Variants in AMPH observed in about 807,000 individuals in gnomAD.
The protein encoded by AMPH is amphiphysin (Stiff-Mann syndrome with breast cancer 128kD autoantigen).
A neutral mutation model predicts 99.1 loss-of-function variants in AMPH; 49 were observed. The ratio of observed to expected loss-of-function variants is 0.49; its 90% CI spans 0.39 to 0.63. The LOEUF (loss-of-function observed/expected upper bound fraction) is 0.63. Ranked by LOEUF, AMPH falls within the 20% of genes least tolerant of loss-of-function variation. AMPH has a pLI of 0.00. For synonymous variants in AMPH, 314 were observed against 317.3 expected, an observed-to-expected ratio of 0.99 and a Z score of 0.11; for missense variants, 759 against 863.4, an observed-to-expected ratio of 0.88 and a Z score of 1.52.
intron 11 of AMPH, among the ~76,000 whole-genome samples, chr7:38,458,743 C>A (rs2129006905): frequency 6.6e-6 from 1 of 152,236 alleles, no homozygotes; most frequent in African/African-American, 2.4e-5. Flanking sequence ...GACAAAAGCA[C>A]AGGTAGCATC....
chr7:38,533,678 A>G (rs1302387103), intron 2 of AMPH, among the ~76,000 whole-genome samples: 1 of 152,208 alleles, frequency 6.6e-6, no homozygotes, highest in Admixed American at 6.5e-5. Flanking sequence ...CTCTGAGGCT[A>G]TAATTCCCTC....
intron 11 of AMPH, among the ~76,000 whole-genome samples, chr7:38,449,298 T>G (rs1167415270): frequency 1.3e-5 from 2 of 152,246 alleles, no homozygotes; most frequent in Non-Finnish European, 2.9e-5. Context: ...CTTACAATGC[T>G]GTCACACATA....
At chr7:38,553,912 A>G (rs1584238571) in intron 1 of AMPH, among the ~76,000 whole-genome samples, 1 of 152,232 alleles carries the variant, frequency 6.6e-6, no homozygotes, top group East Asian at 1.9e-4. Context: ...TGTTAGGAGT[A>G]TTGAGCTTAT....
intron 1 of AMPH, among the ~76,000 whole-genome samples, chr7:38,560,539 C>G (rs772756645): frequency 1.6e-4 from 25 of 152,208 alleles, no homozygotes; most frequent in Non-Finnish European, 3.5e-4. Context: ...GAAAGTAAAG[C>G]TCTGACATCT....
chr7:38,466,098 C>T (rs1269109843), intron 8 of AMPH, 75 bp downstream of exon 8: 5 of 1,161,206 alleles, frequency 4.3e-6, no homozygotes, highest in Non-Finnish European at 6.3e-6. Context: ...ATAATTCTAT[C>T]CCATTTCATT....
At chr7:38,399,336 T>A (rs1000452476) in intron 17 of AMPH, among the ~76,000 whole-genome samples, 1 of 152,218 alleles carries the variant, frequency 6.6e-6, no homozygotes, top group Non-Finnish European at 1.5e-5. Flanking sequence ...AGTCTGATGA[T>A]CAGGGGGCAT....
intron 4 of AMPH, 149 bp downstream of exon 4, chr7:38,494,284 G>A (rs1029272308): frequency 3.1e-6 from 2 of 651,836 alleles, no homozygotes; most frequent in East Asian, 5.5e-5. Flanking sequence ...CTCTAAGTTT[G>A]GAATCATCAG....
intron 4 of AMPH, among the ~76,000 whole-genome samples, chr7:38,492,835 T>C (rs1788777691): frequency 1.3e-5 from 2 of 152,234 alleles, no homozygotes; most frequent in African/African-American, 4.8e-5. Context: ...CAAGTTTCTA[T>C]TATTTCCTTA....
At chr7:38,616,388 G>A (rs753064262) in intron 1 of AMPH, among the ~76,000 whole-genome samples, 16 of 152,184 alleles carry the variant, frequency 1.1e-4, no homozygotes, top group Non-Finnish European at 1.5e-4. Context: ...CACAACTGTG[G>A]ACAGGACTAT....
chr7:38,597,060 C>G (rs931093370), intron 1 of AMPH, among the ~76,000 whole-genome samples: 1 of 152,164 alleles, frequency 6.6e-6, no homozygotes, highest in Admixed American at 6.5e-5. Flanking sequence ...TTCATGTATG[C>G]TACTCCATTT....
At chr7:38,424,967 T>C (rs1785731153) in intron 15 of AMPH, among the ~76,000 whole-genome samples, 1 of 152,218 alleles carries the variant, frequency 6.6e-6, no homozygotes, top group Non-Finnish European at 1.5e-5. Flanking sequence ...AGTGGAGCGA[T>C]GGCTGTAAAA....
At chr7:38,427,382 A>G (rs1785818238) in intron 14 of AMPH, among the ~76,000 whole-genome samples, 1 of 151,884 alleles carries the variant, frequency 6.6e-6, no homozygotes, top group Non-Finnish European at 1.5e-5. Flanking sequence ...AGCAATTATG[A>G]TATTTTACAG....
At chr7:38,458,197 A>G (rs1035127049) in intron 11 of AMPH, among the ~76,000 whole-genome samples, 6 of 152,142 alleles carry the variant, frequency 3.9e-5, no homozygotes, top group African/African-American at 1.4e-4. Flanking sequence ...ACAAAACTCC[A>G]CATGTATCCC....
At chr7:38,471,098 A>G (rs1290028868) in intron 7 of AMPH, among the ~76,000 whole-genome samples, 1 of 152,170 alleles carries the variant, frequency 6.6e-6, no homozygotes, top group Non-Finnish European at 1.5e-5. Flanking sequence ...GTCAATAAAT[A>G]TTTGTTGAAT....
intron 5 of AMPH, among the ~76,000 whole-genome samples, chr7:38,480,214 C>T (rs778984839): frequency 9.9e-5 from 15 of 152,132 alleles, no homozygotes; most frequent in South Asian, 2.1e-4. Context: ...CTAATTTGTC[C>T]GAAATTGCTC....
intron 10 of AMPH, 79 bp downstream of exon 10, chr7:38,462,896 C>T: frequency 7.0e-7 from 1 of 1,430,770 alleles, no homozygotes; most frequent in Non-Finnish European, 9.3e-7. Flanking sequence ...AAAGCCCCGG[C>T]ACCGTGGGAT....
intron 1 of AMPH, among the ~76,000 whole-genome samples, chr7:38,566,582 A>C (rs958248932): frequency 6.6e-6 from 1 of 152,228 alleles, no homozygotes; most frequent in Non-Finnish European, 1.5e-5. Context: ...CTGCACAGCA[A>C]AAGAAACTAT....
chr7:38,435,852 A>C (rs1786238988), intron 12 of AMPH, among the ~76,000 whole-genome samples: 1 of 152,210 alleles, frequency 6.6e-6, no homozygotes, highest in Admixed American at 6.5e-5. Context: ...CCGTGCTTTC[A>C]TGGTCATTGC....
chr7:38,445,074 C>CATATATAT, intron 11 of AMPH, among the ~76,000 whole-genome samples: 1 of 143,986 alleles, frequency 6.9e-6, no homozygotes, highest in Non-Finnish European at 1.5e-5. Flanking sequence ...TATATATATA[C>CATATATAT]ACATATATAC....
Sources: gnomAD v4.1 joint callset for allele counts (sites outside exome capture counted in the v4.1 genomes callset) on GRCh38, gnomAD v4.1.1 for gene constraint, MANE v1.5 for transcripts, NCBI Gene and HGNC (gene_info 2026-07-23, HGNC 2026-07-21) for gene names.